Variants in ZFHX3 observed in about 807,000 individuals in gnomAD.
ZFHX3 encodes zinc finger homeobox protein 3.
ZFHX3 carries 42 observed loss-of-function variants against 279.1 expected under a neutral mutation model. The observed-to-expected ratio is 0.15, with a 90% CI of 0.12 to 0.19. ZFHX3 has a LOEUF of 0.19. Among genes scored for constraint, ZFHX3 ranks in the 10% least tolerant of loss-of-function variants. The pLI is 1.00. For missense variants in ZFHX3, 4,981 were observed against 4,754.0 expected (o/e 1.05, Z -1.40); for synonymous variants, 2,293 against 1,957.8 (o/e 1.17, Z -4.52).
At chr16:72,924,787 G>C (rs533610546) in intron 3 of ZFHX3, among the ~76,000 whole-genome samples, 13 of 152,272 alleles carry the variant, frequency 8.5e-5, no homozygotes, top group South Asian at 6.2e-4. Flanking sequence ...AACCCTTCTC[G>C]TTCACTCTCG....
At position 73,840,290 on chromosome 16, in the gene ZFHX3, C is replaced by A. The variant is rs556958068; in HGVS notation, c.-1608+51361G>T. ...GGAATCCACCCATGTCCTTTTGCTGCTAAAAGGCCCCCTTTTCTCAGTCCC... is the reference window on the plus strand; with the variant it reads ...GGAATCCACCCATGTCCTTTTGCTGATAAAAGGCCCCCTTTTCTCAGTCCC... On this transcript the variant is annotated intron_variant, in intron 1 of 17. Transcript: ENST00000641206. Among the ~76,000 whole-genome samples, 50 of 152,280 alleles carry A rather than the reference C, an allele frequency of 3.3e-4. 1 individual carries two copies. Among genetic ancestry groups the A allele is most frequent in the African/African-American group, 1.2e-3 (50 of 41,572 alleles).
At chr16:73,588,523 A>T (rs2051951440) in intron 2 of ZFHX3, among the ~76,000 whole-genome samples, 1 of 151,724 alleles carries the variant, frequency 6.6e-6, no homozygotes, top group Admixed American at 6.6e-5. Flanking sequence ...CATCTCCACT[A>T]AAAATATAAA....
chr16:73,432,177 T>G (rs1266123556), intron 3 of ZFHX3, among the ~76,000 whole-genome samples: 1 of 152,190 alleles, frequency 6.6e-6, no homozygotes. Context: ...AGCCTTGTTT[T>G]CAAAAGAAAT....
chr16:73,831,783 G>A (rs902755863), intron 1 of ZFHX3, among the ~76,000 whole-genome samples: 1 of 152,228 alleles, frequency 6.6e-6, no homozygotes, highest in African/African-American at 2.4e-5. Flanking sequence ...CAAGGGAAGG[G>A]GCGGAGGAAG....
chr16:72,896,525 C>T lies in ZFHX3; in HGVS notation c.3217-6563G>A, dbSNP rs567845378. 2.6e-5 allele frequency among the ~76,000 whole-genome samples: 4 copies of T among 152,306 alleles called. 1 individual carries two copies. The highest frequency in any genetic ancestry group is 4.2e-4 in the South Asian group (2 of 4,816). On this transcript the variant is annotated intron_variant, in intron 3 of 9. Coordinates refer to ENST00000268489, the MANE Select transcript of ZFHX3 (RefSeq NM_006885.4). ...AAAAGAAGGGAGACAACAGAGGCTC[C>T]GCTGTGCGACTTTGTGGGATTCTAC...
intron 4 of ZFHX3, among the ~76,000 whole-genome samples, chr16:72,837,107 C>G (rs1292415660): frequency 6.6e-6 from 1 of 152,198 alleles, no homozygotes; most frequent in Non-Finnish European, 1.5e-5. Flanking sequence ...CGAAGTGCAC[C>G]AAGTCAATGG....
At chr16:73,773,789 G>A (rs1567406053) in intron 1 of ZFHX3, among the ~76,000 whole-genome samples, 2 of 152,110 alleles carry the variant, frequency 1.3e-5, no homozygotes. Context: ...AAGGAGAGAA[G>A]GTTTAGAGCT....
At chr16:73,786,654 TC>T (rs1265092651) in intron 1 of ZFHX3, among the ~76,000 whole-genome samples, 8 of 152,158 alleles carry the variant, frequency 5.3e-5, no homozygotes, top group Non-Finnish European at 1.2e-4. Context: ...CTCATTTCAT[TC>T]CCATGTGCAT....
chr16:73,798,757 C>T (rs1348530389), intron 1 of ZFHX3, among the ~76,000 whole-genome samples: 1 of 152,186 alleles, frequency 6.6e-6, no homozygotes, highest in African/African-American at 2.4e-5. Flanking sequence ...CCAGGGGTAA[C>T]CACAGGGTGC....
Position 72,957,747 on chromosome 16 carries a change from G to C in ZFHX3, c.2399C>G (p.Thr800Ser). ...CACCTCGCACCGCCAGGTGGGTTTG[G>C]TTTTTGGTTTGGTCGGCGAGGGGGC... ...CGAPSPTKPKTKPTWRCEVCD... is the reference protein window; with the variant it reads ...CGAPSPTKPKSKPTWRCEVCD... The change falls in exon 2 of 10, where the codon ACC becomes AGC. Residue 800 changes from threonine to serine, a missense_variant. Coordinates refer to ENST00000268489, the MANE Select transcript of ZFHX3 (RefSeq NM_006885.4). 6.2e-7 allele frequency: 1 copy of C among 1,614,152 alleles called. No individual in the cohort carries two copies. The highest frequency in any genetic ancestry group is 8.5e-7 in the Non-Finnish European group (1 of 1,180,036).
intron 7 of ZFHX3, among the ~76,000 whole-genome samples, chr16:73,095,423 C>T (rs1181382143): frequency 6.6e-6 from 1 of 152,090 alleles, no homozygotes; most frequent in East Asian, 1.9e-4. Context: ...GAGCTAATAA[C>T]CTTCCATTTT....
intron 1 of ZFHX3, among the ~76,000 whole-genome samples, chr16:73,750,556 A>T (rs975443067): frequency 6.6e-6 from 1 of 152,200 alleles, no homozygotes; most frequent in Non-Finnish European, 1.5e-5. Context: ...CTATCTGGGG[A>T]TGAATAAACT....
At chr16:72,870,492 G>A (rs1420577729) in intron 4 of ZFHX3, among the ~76,000 whole-genome samples, 2 of 151,972 alleles carry the variant, frequency 1.3e-5, no homozygotes, top group African/African-American at 2.4e-5. Context: ...GACAGATCAC[G>A]GGGTCAGGAG....
In ZFHX3 at chr16:73,888,906, C is replaced by G. The variant is rs544709785; in HGVS notation, c.-1608+2745G>C. Reference sequence around the variant, plus strand: ...CAACGCCCGCCCCCTACCACCCCCCCAAAAAATCCTGTAAACCTCTGCTGT... The same window carrying G: ...CAACGCCCGCCCCCTACCACCCCCCGAAAAAATCCTGTAAACCTCTGCTGT... On this transcript the variant is annotated intron_variant, in intron 1 of 17. Transcript: ENST00000641206. Among the ~76,000 whole-genome samples, 17 of 151,622 alleles carry G rather than the reference C, an allele frequency of 1.1e-4. No homozygotes were observed. The South Asian group carries it at 2.7e-3, about 24-fold the overall frequency.
intron 4 of ZFHX3, among the ~76,000 whole-genome samples, chr16:73,258,085 T>C (rs2013709593): frequency 6.6e-6 from 1 of 152,188 alleles, no homozygotes; most frequent in Non-Finnish European, 1.5e-5. Context: ...TGGAGTACAG[T>C]AGTAACTACT....
At chr16:73,505,296 AAAT>A (rs1413472530) in intron 2 of ZFHX3, among the ~76,000 whole-genome samples, 2 of 152,204 alleles carry the variant, frequency 1.3e-5, no homozygotes, top group Non-Finnish European at 2.9e-5. Flanking sequence ...GGAGATAAAC[AAAT>A]AATAATAACA....
At chr16:73,480,294 A>C (rs1439509944) in intron 2 of ZFHX3, among the ~76,000 whole-genome samples, 1 of 152,070 alleles carries the variant, frequency 6.6e-6, no homozygotes, top group African/African-American at 2.4e-5. Flanking sequence ...CCGATTCCTA[A>C]AAGGTTTTTA....
At chr16:72,900,335 A>G (rs961080759) in intron 3 of ZFHX3, among the ~76,000 whole-genome samples, 4 of 152,126 alleles carry the variant, frequency 2.6e-5, no homozygotes, top group African/African-American at 9.7e-5. Flanking sequence ...GAATTTGCTT[A>G]TTTGTATCTC....
At chr16:73,403,992 T>C (rs1044750607) in intron 3 of ZFHX3, among the ~76,000 whole-genome samples, 19 of 152,126 alleles carry the variant, frequency 1.2e-4, no homozygotes, top group African/African-American at 4.1e-4. Context: ...TGGGGAATTT[T>C]AAGGGTAGGA....
Sources: gnomAD v4.1 joint callset for allele counts (sites outside exome capture counted in the v4.1 genomes callset) on GRCh38, gnomAD v4.1.1 for gene constraint, MANE v1.5 for transcripts, NCBI Gene and HGNC (gene_info 2026-07-23, HGNC 2026-07-21) for gene names.